Variants in RSF1 observed in about 807,000 individuals in gnomAD.
RSF1 encodes the protein HBV pX-associated protein 8.
Under a neutral mutation model 145.2 loss-of-function variants are expected in RSF1, and 13 were observed. The observed-to-expected ratio is 0.09, with a 90% CI of 0.06 to 0.14. The LOEUF (loss-of-function observed/expected upper bound fraction) is 0.14. Ranked by LOEUF, RSF1 falls within the 10% of genes least tolerant of loss-of-function variation. The probability of loss-of-function intolerance (pLI) is 1.00; values close to 1 mark genes in which losing one functional copy is unlikely to be tolerated. For synonymous variants in RSF1, 577 were observed against 592.6 expected (o/e 0.97, Z 0.38); for missense variants, 1,517 against 1,718.2 (o/e 0.88, Z 2.07).
At chr11:77,785,298 A>G (rs771148349) in intron 1 of RSF1, among the ~76,000 whole-genome samples, 2 of 152,172 alleles carry the variant, frequency 1.3e-5, no homozygotes, top group Non-Finnish European at 2.9e-5. Context: ...TCAATTTTTA[A>G]AGCAACATTG....
At chr11:77,787,484 T>C (rs1159850776) in intron 1 of RSF1, among the ~76,000 whole-genome samples, 1 of 152,150 alleles carries the variant, frequency 6.6e-6, no homozygotes, top group Non-Finnish European at 1.5e-5. Flanking sequence ...TTAAATACCA[T>C]TTATGGTTGC....
intron 1 of RSF1, among the ~76,000 whole-genome samples, chr11:77,810,089 C>A (rs777962315): frequency 5.9e-5 from 9 of 152,210 alleles, no homozygotes; most frequent in Non-Finnish European, 1.3e-4. Flanking sequence ...CTAGTACATT[C>A]TTTCCCAGTC....
rs190461750 is a variant in RSF1 at position 77,803,458 on chromosome 11, C to T, written c.187+17070G>A. ...CACTGTGCCTAGTCAAGAGTGAGTT[C>T]TATCACAAAACAAATACCCTAATAA... On this transcript the variant is annotated intron_variant, in intron 1 of 15. Transcript: ENST00000308488. Among the ~76,000 whole-genome samples the T allele has an allele frequency of 3.0e-3, 435 of 147,248 alleles. 5 individuals are homozygous for T. Among genetic ancestry groups the T allele is most frequent in the African/African-American group, 0.01 (418 of 40,560 alleles).
the RSF1 span, among the ~76,000 whole-genome samples, chr11:77,827,357 C>T: frequency 6.6e-6 from 1 of 152,164 alleles, no homozygotes; most frequent in Non-Finnish European, 1.5e-5. Flanking sequence ...CCCAATACCT[C>T]ATGTGAATCT....
chr11:77,842,057 TC>T, the RSF1 span, among the ~76,000 whole-genome samples: 1 of 152,202 alleles, frequency 6.6e-6, no homozygotes, highest in Non-Finnish European at 1.5e-5. Context: ...AATTCAGCGA[TC>T]TTCATGAATA....
intron 7 of RSF1, 26 bp from the exon 8 acceptor site, chr11:77,693,637 C>T (rs754894776): frequency 3.3e-6 from 5 of 1,501,744 alleles, no homozygotes; most frequent in Non-Finnish European, 4.6e-6. Flanking sequence ...TGATGTCAAC[C>T]TAACTATGAC....
rs1164132755 is a variant in RSF1 at position 77,701,947 on chromosome 11, T to A, written c.1282A>T (p.Ile428Phe). 6.8e-6 allele frequency: 11 copies of A among 1,613,546 alleles called. No individual in the cohort carries two copies. The Admixed American group carries it at 1.0e-4, about 15-fold the overall frequency. The part of the protein sequence containing the change: ...IKQEEETCKR[I>F]STITALGHEG... ...TGACCCAAAGCAGTGATTGTAGAGA[T>A]CCTTTTACAAGTCTCTTCCTCTTGT... The change falls in exon 6 of 16, where the codon ATC becomes TTC. Residue 428 changes from isoleucine to phenylalanine, a missense_variant. By Grantham distance (21) the Ile-to-Phe change is conservative. This residue lies in a region of RSF1 where 579 missense variants were observed against 553.5 expected (regional missense o/e 1.05). Transcript: ENST00000308488.
rs1208432655 is a variant in RSF1 at position 77,662,215 on chromosome 11, T to C, written c.*4702A>G. 1 of 152,148 alleles carries C rather than the reference T, an allele frequency of 6.6e-6. No individual in the cohort carries two copies. The highest frequency in any genetic ancestry group is 2.4e-5 in the African/African-American group (1 of 41,424). The allele number at this position is 152,148 out of a possible 1,614,324, so 9.4% of individuals were successfully genotyped here. On this transcript the variant is annotated 3_prime_UTR_variant, in exon 16 of 16. Coordinates refer to ENST00000308488, the MANE Select transcript of RSF1 (RefSeq NM_016578.4). ...TGTATAGGATAGTCATATTTTAAAG[T>C]TATTAAAATAAACATCTTCACTAAC... is the stretch of plus-strand genomic sequence containing the variant.
chr11:77,757,664 G>A (rs1391578354), intron 2 of RSF1, among the ~76,000 whole-genome samples: 3 of 151,770 alleles, frequency 2.0e-5, no homozygotes, highest in South Asian at 2.1e-4. Context: ...GCGACAGAGC[G>A]AAACTCCGTC....
chr11:77,844,227 C>A, the RSF1 span, among the ~76,000 whole-genome samples: 5 of 152,282 alleles, frequency 3.3e-5, no homozygotes, highest in African/African-American at 1.2e-4. Context: ...AGGGCTCTAC[C>A]CTTAGGACCC....
At chr11:77,805,156 C>A (rs1590897639) in intron 1 of RSF1, among the ~76,000 whole-genome samples, 1 of 151,970 alleles carries the variant, frequency 6.6e-6, no homozygotes, top group Non-Finnish European at 1.5e-5. Context: ...TTACAACAAC[C>A]TTTTTTTTGC....
Position 77,667,299 on chromosome 11 carries a change from T to C in RSF1, c.3944A>G (p.His1315Arg). The change falls in exon 16 of 16, where the codon CAT becomes CGT. Residue 1315 changes from histidine (H) to arginine (R), a missense_variant. By Grantham distance (29) the His-to-Arg change is conservative. This residue lies in a region of RSF1 where 240 missense variants were observed against 231.8 expected (regional missense o/e 1.04). Coordinates refer to ENST00000308488, the MANE Select transcript of RSF1 (RefSeq NM_016578.4). ...TDEEESCDNAHGDANQPARDS... is the reference protein window; with the variant it reads ...TDEEESCDNARGDANQPARDS... The stretch of plus-strand genomic sequence containing the variant: ...ACGGGCAGGCTGATTTGCATCTCCA[T>C]GAGCATTGTCACAACTCTCCTCCTC... 1 of 1,614,106 alleles carries C rather than the reference T, an allele frequency of 6.2e-7. No homozygotes were observed. The highest frequency in any genetic ancestry group is 8.5e-7 in the Non-Finnish European group (1 of 1,179,942).
intron 1 of RSF1, 66 bp from the exon 2 acceptor site, chr11:77,764,755 T>TA (rs1279096444): frequency 5.9e-6 from 6 of 1,010,488 alleles, no homozygotes; most frequent in African/African-American, 3.3e-5. Flanking sequence ...TTTAAGATAA[T>TA]AAAAAAATAA....
intron 10 of RSF1, 44 bp from the exon 11 acceptor site, chr11:77,683,863 G>A (rs1445290707): frequency 7.0e-7 from 1 of 1,427,914 alleles, no homozygotes; most frequent in Non-Finnish European, 9.7e-7. Flanking sequence ...TCCTTATGCA[G>A]AACAAAGTTC....
chr11:77,752,053 C>A (rs1254379839), intron 2 of RSF1, among the ~76,000 whole-genome samples: 1 of 152,138 alleles, frequency 6.6e-6, no homozygotes, highest in African/African-American at 2.4e-5. Context: ...AAAAAGACAA[C>A]CCATTCAAAC....
At chr11:77,859,845 C>T in the RSF1 span, among the ~76,000 whole-genome samples, 1 of 152,220 alleles carries the variant, frequency 6.6e-6, no homozygotes, top group African/African-American at 2.4e-5. Flanking sequence ...AGTCGCAGCA[C>T]TGGCCCTTCA....
chr11:77,799,848 TAA>T (rs1948609946), intron 1 of RSF1, among the ~76,000 whole-genome samples: 1 of 152,086 alleles, frequency 6.6e-6, no homozygotes, highest in African/African-American at 2.4e-5. Context: ...CTTACATAAA[TAA>T]AAAGATTATA....
At chr11:77,717,861 C>A (rs761523522) in intron 5 of RSF1, 5 of 152,174 alleles carry the variant, frequency 3.3e-5, no homozygotes, top group Non-Finnish European at 1.5e-5. Context: ...TCATCAGGTA[C>A]AATAGAAAAT....
At chr11:77,853,221 A>G in the RSF1 span, among the ~76,000 whole-genome samples, 1,157 of 152,344 alleles carry the variant, frequency 7.6e-3, 36 homozygotes, top group East Asian at 0.079. Flanking sequence ...AGTGAACAGT[A>G]TTTGTATTAG....
Sources: gnomAD v4.1 joint callset for allele counts (sites outside exome capture counted in the v4.1 genomes callset) on GRCh38, gnomAD v4.1.1 for gene constraint, gnomAD v4.1.1 regional missense constraint, MANE v1.5 for transcripts, NCBI Gene and HGNC (gene_info 2026-07-23, HGNC 2026-07-21) for gene names.